Variants in FBXL17 observed in about 807,000 individuals in gnomAD.
The protein encoded by FBXL17 is F-box/LRR-repeat protein 17.
In FBXL17, 22 loss-of-function variants were observed where a neutral mutation model predicts 66.2. The ratio of observed to expected loss-of-function variants is 0.33; its 90% confidence interval spans 0.24 to 0.47. The LOEUF (loss-of-function observed/expected upper bound fraction) is 0.47. FBXL17 is among the 20% of genes least tolerant of loss of function. The pLI is 1.00. For synonymous variants in FBXL17, 474 were observed against 400.5 expected (o/e 1.18, Z -2.19); for missense variants, 878 against 948.2 (o/e 0.93, Z 0.97).
At position 108,109,606 on chromosome 5, in the gene FBXL17, T is replaced by C. The variant is rs544698515; in HGVS notation, c.1745+76511A>G. 3.3e-5 allele frequency among the ~76,000 whole-genome samples: 5 copies of C among 152,344 alleles called. No individual in the cohort carries two copies. The South Asian group carries it at 8.3e-4, about 25-fold the overall frequency. On this transcript the variant is annotated intron_variant, in intron 6 of 8. Transcript: ENST00000542267. The stretch of plus-strand genomic sequence containing the variant: ...TATTTAAATACATTTGTATGTTTTT[T>C]TTCTTGATTATCTGTCTTGTTATAG...
intron 6 of FBXL17, among the ~76,000 whole-genome samples, chr5:108,081,712 G>C (rs1748775389): frequency 6.6e-6 from 1 of 152,054 alleles, no homozygotes; most frequent in Non-Finnish European, 1.5e-5. Context: ...GACAGAGTGA[G>C]ACTCTGTCTC....
chr5:108,377,961 G>C (rs1019987117), intron 1 of FBXL17, among the ~76,000 whole-genome samples: 5 of 152,114 alleles, frequency 3.3e-5, no homozygotes, highest in African/African-American at 1.2e-4. Flanking sequence ...AAAGTGATAT[G>C]GCTGTTATAA....
At chr5:107,937,681 T>C (rs565688463) in intron 7 of FBXL17, among the ~76,000 whole-genome samples, 1 of 152,270 alleles carries the variant, frequency 6.6e-6, no homozygotes, top group East Asian at 1.9e-4. Context: ...TGGCATCTTG[T>C]GTATTTCTGG....
intron 7 of FBXL17, among the ~76,000 whole-genome samples, chr5:107,917,807 T>A (rs1213661898): frequency 3.3e-5 from 5 of 152,174 alleles, no homozygotes; most frequent in Non-Finnish European, 5.9e-5. Flanking sequence ...TTTTGGCTTA[T>A]TCCAAAATGA....
At chr5:107,899,961 T>A (rs530184480) in intron 7 of FBXL17, among the ~76,000 whole-genome samples, 126 of 152,226 alleles carry the variant, frequency 8.3e-4, no homozygotes, top group African/African-American at 2.4e-3. Flanking sequence ...AAAAGTAAAT[T>A]TTGGACACTT....
rs769094590 is a variant in FBXL17 at position 108,121,620 on chromosome 5, G to A, written c.1745+64497C>T. ...CACCCAGGCTGGAGTGCAGTGGCACGGTCTCGGCTCACTGCAAGCTCCGTC... is the reference window on the plus strand; with the variant it reads ...CACCCAGGCTGGAGTGCAGTGGCACAGTCTCGGCTCACTGCAAGCTCCGTC... On this transcript the variant is annotated intron_variant, in intron 6 of 8. Coordinates refer to ENST00000542267, the MANE Select transcript of FBXL17 (RefSeq NM_001163315.3). 4.6e-5 allele frequency among the ~76,000 whole-genome samples: 7 copies of A among 151,692 alleles called. No individual in the cohort carries two copies. The East Asian group carries it at 1.2e-3, about 25-fold the overall frequency.
At chr5:107,937,157 T>A (rs1219862476) in intron 7 of FBXL17, among the ~76,000 whole-genome samples, 2 of 152,138 alleles carry the variant, frequency 1.3e-5, no homozygotes, top group Non-Finnish European at 2.9e-5. Flanking sequence ...CATATTCTCA[T>A]TTGTAAACAC....
Position 107,861,522 on chromosome 5 carries a change from A to C in FBXL17, c.*198T>G. 1 of 423,774 alleles carries C rather than the reference A, an allele frequency of 2.4e-6. No homozygotes were observed. The highest frequency in any genetic ancestry group is 3.9e-6 in the Non-Finnish European group (1 of 255,540). The allele number at this position is 423,774 out of a possible 1,614,324, so 26.3% of individuals were successfully genotyped here. A position where few individuals can be genotyped will look rare whatever the true frequency, so the allele number is the denominator to read the frequency against. ...TGGCTTTCATAATCTTTAATTTCTAAGAAAAAAAGCCAGCTCACTTGGGAA... is the reference window on the plus strand; with the variant it reads ...TGGCTTTCATAATCTTTAATTTCTACGAAAAAAAGCCAGCTCACTTGGGAA... On this transcript the variant is annotated 3_prime_UTR_variant, in exon 9 of 9. Transcript: ENST00000542267.
chr5:107,912,050 T>TATG (rs1168318118), intron 7 of FBXL17, among the ~76,000 whole-genome samples: 2 of 152,106 alleles, frequency 1.3e-5, no homozygotes, highest in African/African-American at 2.4e-5. Flanking sequence ...AATGGACACT[T>TATG]TCTCATACTG....
rs150466827 is a variant in FBXL17 at position 108,116,894 on chromosome 5, T to C, written c.1745+69223A>G. On this transcript the variant is annotated intron_variant, in intron 6 of 8. Transcript: ENST00000542267. ...GGTAATTCTCTGCCCTATAGGTAGG[T>C]GACTCTACAATCAGAAAAGGGGAGA... 6.2e-3 allele frequency among the ~76,000 whole-genome samples: 950 copies of C among 152,012 alleles called. 11 individuals are homozygous for C. Among genetic ancestry groups the C allele is most frequent in the African/African-American group, 0.021 (886 of 41,458 alleles).
rs531915830 is a variant in FBXL17 at position 108,211,513 on chromosome 5, C to T, written c.1614+12608G>A. Among the ~76,000 whole-genome samples, 17 of 152,288 alleles carry T rather than the reference C, an allele frequency of 1.1e-4. No individual in the cohort carries two copies. In the South Asian group the frequency reaches 3.5e-3, roughly 32 times the overall value. On this transcript the variant is annotated intron_variant, in intron 5 of 8. Transcript: ENST00000542267. Reference sequence around the variant, plus strand: ...GCTTCTTTCAGGAGCTGTTGTAACGCAGGCCTGGTGGTGACAAAATCTCTC... The same window carrying T: ...GCTTCTTTCAGGAGCTGTTGTAACGTAGGCCTGGTGGTGACAAAATCTCTC...
chr5:107,910,450 G>C (rs1749912638), intron 7 of FBXL17, among the ~76,000 whole-genome samples: 2 of 151,992 alleles, frequency 1.3e-5, no homozygotes, highest in African/African-American at 4.8e-5. Flanking sequence ...GAAACTGACA[G>C]CAAGCATCAG....
At chr5:108,152,927 CGTGGGAGGAACCTG>C (rs1751827971) in intron 6 of FBXL17, among the ~76,000 whole-genome samples, 1 of 152,142 alleles carries the variant, frequency 6.6e-6, no homozygotes, top group Non-Finnish European at 1.5e-5. Context: ...TCCCATGTGT[CGTGGGAGGAACCTG>C]GTGGGAGGTA....
chr5:108,152,466 T>G (rs1298296382), intron 6 of FBXL17, among the ~76,000 whole-genome samples: 1 of 152,196 alleles, frequency 6.6e-6, no homozygotes, highest in South Asian at 2.1e-4. Flanking sequence ...GGGGATATAC[T>G]GATAAGTGCA....
At chr5:108,114,173 AGTTTATACTCCAT>A (rs1436998672) in intron 6 of FBXL17, among the ~76,000 whole-genome samples, 1 of 152,156 alleles carries the variant, frequency 6.6e-6, no homozygotes, top group Non-Finnish European at 1.5e-5. Flanking sequence ...CCTCCCGAAG[AGTTTATACTCCAT>A]TGTACGAACA....
chr5:108,235,172 T>C (rs1755542672), intron 4 of FBXL17, among the ~76,000 whole-genome samples: 2 of 152,338 alleles, frequency 1.3e-5, no homozygotes, highest in East Asian at 1.9e-4. Flanking sequence ...AGTTAATCTG[T>C]GTAATTCTAC....
At chr5:108,212,892 A>C (rs1330516759) in intron 5 of FBXL17, among the ~76,000 whole-genome samples, 4 of 152,166 alleles carry the variant, frequency 2.6e-5, no homozygotes, top group African/African-American at 9.7e-5. Flanking sequence ...GGAACATTTA[A>C]GTCTGCTGAA....
intron 7 of FBXL17, among the ~76,000 whole-genome samples, chr5:107,887,186 T>C (rs552316126): frequency 6.6e-6 from 1 of 152,312 alleles, no homozygotes; most frequent in East Asian, 1.9e-4. Flanking sequence ...TTTGTAACTT[T>C]TCTGTAATTC....
chr5:108,012,472 T>C (rs891438481), intron 7 of FBXL17, among the ~76,000 whole-genome samples: 1 of 152,202 alleles, frequency 6.6e-6, no homozygotes, highest in Non-Finnish European at 1.5e-5. Context: ...CTTTATGACA[T>C]TGTTTTTTCA....
Sources: gnomAD v4.1 joint callset for allele counts (sites outside exome capture counted in the v4.1 genomes callset) on GRCh38, gnomAD v4.1.1 for gene constraint, MANE v1.5 for transcripts, NCBI Gene and HGNC (gene_info 2026-07-23, HGNC 2026-07-21) for gene names.